Variants in PPP3CA observed in about 807,000 individuals in gnomAD.
The protein encoded by PPP3CA is CAM-PRP catalytic subunit.
PPP3CA carries 14 observed loss-of-function variants against 66.5 expected under a neutral mutation model. The ratio of observed to expected loss-of-function variants is 0.21; its 90% confidence interval spans 0.14 to 0.33. The LOEUF is 0.33. Ranked by LOEUF, PPP3CA falls within the 10% of genes least tolerant of loss-of-function variation. The probability of loss-of-function intolerance (pLI) is 1.00; values close to 1 mark genes in which losing one functional copy is unlikely to be tolerated. For synonymous variants in PPP3CA, 232 were observed against 226.2 expected (o/e 1.03, Z -0.23); for missense variants, 317 against 639.5 (o/e 0.50, Z 5.44).
chr4:101,306,312 T>A (rs181095864), intron 1 of PPP3CA, among the ~76,000 whole-genome samples: 1 of 152,244 alleles, frequency 6.6e-6, no homozygotes, highest in African/African-American at 2.4e-5. Context: ...CCTACACCCC[T>A]ACTCACTCTT....
intron 2 of PPP3CA, among the ~76,000 whole-genome samples, chr4:101,157,173 C>CCAGGA: frequency 6.6e-6 from 1 of 152,222 alleles, no homozygotes; most frequent in East Asian, 1.9e-4. Flanking sequence ...TCCCCCTAGG[C>CCAGGA]CAGGGTCCTA....
In PPP3CA at chr4:101,278,137, AAAT is replaced by A. The variant is rs1269376964; in HGVS notation, c.58+68599_58+68601del. 1.0e-3 allele frequency among the ~76,000 whole-genome samples: 136 copies of A among 132,870 alleles called. 1 individual carries two copies. The highest frequency in any genetic ancestry group is 5.3e-3 in the African/African-American group (130 of 24,320). The allele number at this position is 132,870 out of a possible 152,430, so 87.2% of individuals were successfully genotyped here. ...AAGCTATTAGTAAAAAAAAAAAAAAAAATAAAAAAATTAAAAAGTTATTTTAAC... is the reference window on the plus strand; with the variant it reads ...AAGCTATTAGTAAAAAAAAAAAAAAAAAAAAAATTAAAAAGTTATTTTAAC... On this transcript the variant is annotated intron_variant, in intron 1 of 13. Transcript: ENST00000394854.
intron 8 of PPP3CA, among the ~76,000 whole-genome samples, chr4:101,075,778 A>T (rs1729160036): frequency 6.6e-6 from 1 of 152,100 alleles, no homozygotes; most frequent in Admixed American, 6.5e-5. Context: ...GTCCCCATAG[A>T]CTAATTTTCA....
chr4:101,188,121 T>C (rs890734929), intron 2 of PPP3CA, among the ~76,000 whole-genome samples: 1 of 152,134 alleles, frequency 6.6e-6, no homozygotes, highest in Non-Finnish European at 1.5e-5. Context: ...GGGAATCAGG[T>C]TCATGAATTC....
chr4:101,236,032 GA>G (rs57824125), intron 1 of PPP3CA, among the ~76,000 whole-genome samples: 27 of 139,526 alleles, frequency 1.9e-4, no homozygotes, highest in Admixed American at 2.9e-4. Context: ...GCCAAGCTCT[GA>G]AAAAAAAAAA....
intron 1 of PPP3CA, among the ~76,000 whole-genome samples, chr4:101,299,126 T>A (rs1024909242): frequency 4.8e-5 from 6 of 124,308 alleles, no homozygotes; most frequent in African/African-American, 1.9e-4. Flanking sequence ...TTTTTTTTTT[T>A]TTTTTTGGTA....
chr4:101,263,390 C>G (rs1727066000), intron 1 of PPP3CA, among the ~76,000 whole-genome samples: 1 of 152,052 alleles, frequency 6.6e-6, no homozygotes, highest in African/African-American at 2.4e-5. Context: ...CATTCTTGTC[C>G]CTGTTACTGT....
rs144132536 is a variant in PPP3CA, at chr4:101,117,765, T to C, written c.260-8687A>G. On this transcript the variant is annotated intron_variant, in intron 2 of 13. Transcript: ENST00000394854. ...CATCACCCTGTTCTTGTGTCCAAGTTTGGTCAGTCCTGGAAACCAGTGGCT... is the reference window on the plus strand; with the variant it reads ...CATCACCCTGTTCTTGTGTCCAAGTCTGGTCAGTCCTGGAAACCAGTGGCT... 1.2e-4 allele frequency among the ~76,000 whole-genome samples: 18 copies of C among 151,996 alleles called. No homozygotes were observed. The East Asian group carries it at 3.5e-3, about 29-fold the overall frequency.
chr4:101,148,713 ATC>A (rs1446959420), intron 2 of PPP3CA, among the ~76,000 whole-genome samples: 9 of 152,182 alleles, frequency 5.9e-5, no homozygotes, highest in Non-Finnish European at 1.2e-4. Context: ...CATGTCTTTT[ATC>A]TCAGATGGTA....
At chr4:101,293,437 G>C (rs1217191718) in intron 1 of PPP3CA, among the ~76,000 whole-genome samples, 1 of 152,172 alleles carries the variant, frequency 6.6e-6, no homozygotes, top group African/African-American at 2.4e-5. Flanking sequence ...CTGTGTCCTT[G>C]TAAGAAAGGA....
chr4:101,293,497 G>C (rs999351997), intron 1 of PPP3CA, among the ~76,000 whole-genome samples: 2 of 152,222 alleles, frequency 1.3e-5, no homozygotes, highest in African/African-American at 4.8e-5. Flanking sequence ...CAATAAGAGT[G>C]TGAAGGGTGG....
intron 1 of PPP3CA, among the ~76,000 whole-genome samples, chr4:101,265,922 C>T (rs980298366): frequency 1.3e-5 from 2 of 151,766 alleles, no homozygotes; most frequent in African/African-American, 4.8e-5. Context: ...CATGCTCTAC[C>T]TAGAAAAAAA....
At chr4:101,146,116 A>G (rs1382862880) in intron 2 of PPP3CA, among the ~76,000 whole-genome samples, 5 of 152,230 alleles carry the variant, frequency 3.3e-5, no homozygotes, top group African/African-American at 1.2e-4. Flanking sequence ...AAGTTGGAAT[A>G]TTCTCACCTA....
chr4:101,032,726 TAA>T (rs968974172), intron 11 of PPP3CA, among the ~76,000 whole-genome samples: 1 of 152,120 alleles, frequency 6.6e-6, no homozygotes, highest in Non-Finnish European at 1.5e-5. Context: ...ATGCTGATGT[TAA>T]GTTTTTCAGC....
chr4:101,195,964 T>C lies in PPP3CA; in HGVS notation c.211A>G (p.Ile71Val), dbSNP rs145968865. 3.3e-5 allele frequency: 54 copies of C among 1,613,920 alleles called. No individual in the cohort carries two copies. The highest frequency in any genetic ancestry group is 4.1e-5 in the Non-Finnish European group (48 of 1,179,960). ...AGCAAATTTTTTTCCTGTCGAAGAA[T>C]TGATGCACCCTCTGTTATTATTCTC... The part of the protein sequence containing the change: ...ALRIITEGAS[I>V]LRQEKNLLDI... Residue 71 changes from isoleucine to valine, a missense_variant, in exon 2 of 14, where the codon ATT becomes GTT. By Grantham distance (29) the Ile-to-Val change is conservative (BLOSUM62 3). Coordinates refer to ENST00000394854, the MANE Select transcript of PPP3CA (RefSeq NM_000944.5).
chr4:101,239,767 G>A (rs1482688418), intron 1 of PPP3CA, among the ~76,000 whole-genome samples: 1 of 151,996 alleles, frequency 6.6e-6, no homozygotes, highest in Non-Finnish European at 1.5e-5. Flanking sequence ...TAAAAGTTGA[G>A]AGCTCAGCAC....
chr4:101,173,734 T>C (rs967225357), intron 2 of PPP3CA, among the ~76,000 whole-genome samples: 12 of 152,160 alleles, frequency 7.9e-5, no homozygotes, highest in Non-Finnish European at 1.5e-4. Flanking sequence ...TGTTTTATAT[T>C]TGGAATTTTG....
chr4:101,229,907 G>C (rs1180018688), intron 1 of PPP3CA, among the ~76,000 whole-genome samples: 1 of 151,452 alleles, frequency 6.6e-6, no homozygotes, highest in East Asian at 1.9e-4. Context: ...GGAAAGGATA[G>C]AAGAAAATGC....
At chr4:101,329,647 T>C (rs1324116270) in intron 1 of PPP3CA, among the ~76,000 whole-genome samples, 1 of 152,126 alleles carries the variant, frequency 6.6e-6, no homozygotes, top group Non-Finnish European at 1.5e-5. Context: ...TGACTCTCTT[T>C]TTAGGGGTTA....
Sources: allele counts gnomAD v4.1 joint callset (sites outside exome capture counted in the v4.1 genomes callset), GRCh38; gene constraint gnomAD v4.1.1; transcripts MANE v1.5; gene names NCBI Gene and HGNC (gene_info 2026-07-23, HGNC 2026-07-21).